The following RNF125 variants were observed in gnomAD, a reference collection of about 807,000 sequenced individuals.
The protein encoded by RNF125 is ring finger protein 125.
A neutral mutation model predicts 26.0 loss-of-function variants in RNF125; 21 were observed. The observed-to-expected ratio is 0.81, with a 90% CI of 0.57 to 1.16. The LOEUF (loss-of-function observed/expected upper bound fraction) is 1.16. Among genes scored for constraint, RNF125 ranks in the 50% most tolerant of loss-of-function variants. RNF125 has a pLI of 0.00. For missense variants in RNF125, 270 were observed against 299.4 expected (o/e 0.90, Z 0.72); for synonymous variants, 95 against 109.2 (o/e 0.87, Z 0.81).
At chr18:32,038,043 A>ATTTTTTTTTTTTTTTTTT (rs35226765) in intron 2 of RNF125, among the ~76,000 whole-genome samples, 1 of 103,396 alleles carries the variant, frequency 9.7e-6, no homozygotes, top group Non-Finnish European at 1.9e-5. Flanking sequence ...GGTCCGTGCC[A>ATTTTTTTTTTTTTTTTTT]TTTTTTTTTT....
At chr18:32,086,701 G>T in the RNF125 span, among the ~76,000 whole-genome samples, 1 of 151,986 alleles carries the variant, frequency 6.6e-6, no homozygotes. Context: ...TGTATTTTTA[G>T]TAGAGGCAGG....
chr18:32,045,561 C>CAA (rs113849815), intron 3 of RNF125, 81 bp from the exon 4 acceptor site: 2,302 of 715,598 alleles, frequency 3.2e-3, no homozygotes, highest in Middle Eastern at 5.5e-3. Context: ...ACTCTTGTCT[C>CAA]AAAAAAAAAA....
chr18:32,078,614 T>C, the RNF125 span, among the ~76,000 whole-genome samples: 1 of 151,546 alleles, frequency 6.6e-6, no homozygotes, highest in South Asian at 2.1e-4. Context: ...CACTCCAGCC[T>C]GGGCAACAGA....
chr18:32,024,951 C>T (rs34967605), intron 1 of RNF125, among the ~76,000 whole-genome samples: 15,426 of 151,976 alleles, frequency 0.1, 793 homozygotes, highest in African/African-American at 0.11. Flanking sequence ...GGCATGGTGG[C>T]GCACATGGAG....
At chr18:32,042,545 A>C (rs144421334) in intron 3 of RNF125, among the ~76,000 whole-genome samples, 58 of 152,318 alleles carry the variant, frequency 3.8e-4, no homozygotes, top group African/African-American at 1.3e-3. Context: ...CACAGATCCA[A>C]AAATAGAATG....
intron 4 of RNF125, among the ~76,000 whole-genome samples, chr18:32,060,768 C>T (rs1049355984): frequency 1.3e-5 from 2 of 152,116 alleles, no homozygotes; most frequent in African/African-American, 4.8e-5. Flanking sequence ...CCACTAGTAC[C>T]GACTTCAGCC....
intron 4 of RNF125, among the ~76,000 whole-genome samples, chr18:32,050,737 T>G (rs576626208): frequency 2.0e-4 from 30 of 152,152 alleles, no homozygotes; most frequent in Middle Eastern, 3.4e-3. Context: ...TGAGACCACT[T>G]TTTTTCTTTT....
downstream of RNF125, among the ~76,000 whole-genome samples, chr18:32,077,715 G>A (rs1411494970): frequency 1.3e-5 from 2 of 151,770 alleles, no homozygotes; most frequent in Non-Finnish European, 2.9e-5. Flanking sequence ...AGTAATCAAA[G>A]ACATTAACTT....
chr18:32,028,576 A>C (rs1380579288), intron 1 of RNF125, among the ~76,000 whole-genome samples: 1 of 127,282 alleles, frequency 7.9e-6, no homozygotes, highest in African/African-American at 3.1e-5. Context: ...GGGGTAAAAT[A>C]TTTTGTTTCC....
downstream of RNF125, chr18:32,075,938 C>T: frequency 1.3e-6 from 2 of 1,521,996 alleles, no homozygotes; most frequent in South Asian, 1.1e-5. Flanking sequence ...TTTGCTTCTT[C>T]ATGGTCCATG....
At chr18:32,065,647 C>T (rs1455919958) in intron 4 of RNF125, among the ~76,000 whole-genome samples, 1 of 152,112 alleles carries the variant, frequency 6.6e-6, no homozygotes, top group African/African-American at 2.4e-5. Context: ...ATTCTCCTGC[C>T]TCAGTCTCCC....
downstream of RNF125, among the ~76,000 whole-genome samples, chr18:32,076,463 G>A (rs1366810757): frequency 1.3e-5 from 2 of 151,962 alleles, no homozygotes; most frequent in Non-Finnish European, 2.9e-5. Flanking sequence ...TCATAGACAT[G>A]CACTACCATG....
At chr18:32,076,174 G>T, downstream of RNF125, 1 of 537,508 alleles carries the variant, frequency 1.9e-6, no homozygotes, top group South Asian at 1.8e-5. Flanking sequence ...ACCGGATGAT[G>T]ACTTTGGAGC....
rs2038956021 is a variant in RNF125 at position 32,018,857 on chromosome 18, C to T, written c.-7C>T. ...GCTTCGCAGCTGTCTGGGCGAGAGG[C>T]ACAGCGATGGGCTCCGTGCTGAGCA... is the stretch of plus-strand genomic sequence containing the variant. On this transcript the variant is annotated 5_prime_UTR_variant, in exon 1 of 6. Coordinates refer to ENST00000217740, the MANE Select transcript of RNF125 (RefSeq NM_017831.4). 2 of 1,562,624 alleles carry T rather than the reference C, an allele frequency of 1.3e-6. No homozygotes were observed. Among genetic ancestry groups the T allele is most frequent in the Admixed American group, 2.0e-5 (1 of 50,848 alleles).
chr18:32,050,054 G>T (rs1403671881), intron 4 of RNF125, among the ~76,000 whole-genome samples: 3 of 152,134 alleles, frequency 2.0e-5, no homozygotes, highest in Admixed American at 1.3e-4. Flanking sequence ...TTTGCAAGCA[G>T]ATAAGATCAG....
rs58649556 is a variant in RNF125, at chr18:32,073,028, A to ATTAAATGT, written c.*4646_*4647insAAATGTTT. 6.6e-6 allele frequency: 1 copy of ATTAAATGT among 152,166 alleles called. No homozygotes were observed. Among genetic ancestry groups the ATTAAATGT allele is most frequent in the African/African-American group, 2.4e-5 (1 of 41,432 alleles). The allele number at this position is 152,166 out of a possible 1,614,324, so 9.4% of individuals were successfully genotyped here. ...ATATCATAATTTGCATTTTTCCAAC[A>ATTAAATGT]TTGAAGGTATTTTAAAAAGTCACTA... On this transcript the variant is annotated 3_prime_UTR_variant, in exon 6 of 6. Transcript: ENST00000217740.
At position 32,045,647 on chromosome 18, in the gene RNF125, T is replaced by C. The variant is rs781269962; in HGVS notation, c.419T>C (p.Val140Ala). 1 of 1,604,240 alleles carries C rather than the reference T, an allele frequency of 6.2e-7. No homozygotes were observed. The highest frequency in any genetic ancestry group is 1.1e-5 in the South Asian group (1 of 90,710). The change falls in exon 4 of 6, where the codon GTA becomes GCA. Residue 140 changes from valine (V) to alanine (A), a missense_variant. Coordinates refer to ENST00000217740, the MANE Select transcript of RNF125 (RefSeq NM_017831.4). ...QELEETAARCVCPFCQRELYE... is the reference protein window; with the variant it reads ...QELEETAARCACPFCQRELYE... ...GTATTCTGTGCTATTTCCAGGTGTG[T>C]ATGTCCCTTTTGTCAGAGGGAACTG...
Position 32,073,206 on chromosome 18 carries a change from T to C in RNF125, c.*4822T>C, listed in dbSNP as rs1311255706. 4.6e-5 allele frequency: 7 copies of C among 152,224 alleles called. No homozygotes were observed. Among genetic ancestry groups the C allele is most frequent in the Admixed American group, 4.6e-4 (7 of 15,276 alleles). 9.4% of individuals were successfully genotyped at this position (152,224 alleles called of 1,614,324 possible). On this transcript the variant is annotated 3_prime_UTR_variant, in exon 6 of 6. Coordinates refer to ENST00000217740, the MANE Select transcript of RNF125 (RefSeq NM_017831.4). ...TTTATTAAAATATCTACTGTGTCTATTCTTAAACATTAATCTTGATTACTA... is the reference window on the plus strand; with the variant it reads ...TTTATTAAAATATCTACTGTGTCTACTCTTAAACATTAATCTTGATTACTA...
At chr18:32,064,209 T>A (rs953009570) in intron 4 of RNF125, among the ~76,000 whole-genome samples, 2 of 151,676 alleles carry the variant, frequency 1.3e-5, no homozygotes, top group Non-Finnish European at 2.9e-5. Flanking sequence ...TTAGCCAGGC[T>A]GGTCATGAAC....
Sources: gnomAD v4.1 joint callset for allele counts (sites outside exome capture counted in the v4.1 genomes callset) on GRCh38, gnomAD v4.1.1 for gene constraint, MANE v1.5 for transcripts, NCBI Gene and HGNC (gene_info 2026-07-23, HGNC 2026-07-21) for gene names.